MTUS2: variants seen among roughly 807,000 people sequenced by gnomAD.
MTUS2 encodes microtubule-associated tumor suppressor candidate 2.
Under a neutral mutation model 114.1 loss-of-function variants are expected in MTUS2, and 40 were observed. The observed-to-expected ratio is 0.35, with a 90% CI of 0.27 to 0.46. MTUS2 has a LOEUF of 0.46. Ranked by LOEUF, MTUS2 falls within the 20% of genes least tolerant of loss-of-function variation. MTUS2 has a pLI of 1.00. For synonymous variants in MTUS2, 688 were observed against 672.0 expected (o/e 1.02, Z -0.37); for missense variants, 1,679 against 1,705.4 (o/e 0.98, Z 0.27).
chr13:29,012,610 A>G (rs1428962916), intron 2 of MTUS2, among the ~76,000 whole-genome samples: 1 of 151,952 alleles, frequency 6.6e-6, no homozygotes, highest in African/African-American at 2.4e-5. Context: ...GGGGTGGCCC[A>G]CACCTGTAAT....
Position 29,389,693 on chromosome 13 carries a change from ATGTG to A in MTUS2, c.3117+30222_3117+30225del, listed in dbSNP as rs1260698417. Reference sequence around the variant, plus strand: ...TATATATACATATATGTATGTATATATGTGTATATGTGTATATGTATATATACAT... The same window carrying A: ...TATATATACATATATGTATGTATATATATATGTGTATATGTATATATACAT... On this transcript the variant is annotated intron_variant, in intron 8 of 15. Transcript: ENST00000612955. 1.2e-4 allele frequency among the ~76,000 whole-genome samples: 17 copies of A among 143,596 alleles called. 1 individual carries two copies. Among genetic ancestry groups the A allele is most frequent in the African/African-American group, 4.0e-4 (15 of 37,764 alleles). The allele number at this position is 143,596 out of a possible 152,430, so 94.2% of individuals were successfully genotyped here. A position where few individuals can be genotyped will look rare whatever the true frequency, so the allele number is the denominator to read the frequency against.
At chr13:29,339,470 T>A (rs1901268908) in intron 7 of MTUS2, 1 of 153,006 alleles carries the variant, frequency 6.5e-6, no homozygotes, top group South Asian at 2.0e-4. Flanking sequence ...GCTGAGGGCC[T>A]ACAGCATGGT....
chr13:29,290,817 C>G (rs1000995604), intron 6 of MTUS2, among the ~76,000 whole-genome samples: 1 of 152,136 alleles, frequency 6.6e-6, no homozygotes, highest in African/African-American at 2.4e-5. Context: ...GTCTCTCTGC[C>G]CCATATGTGC....
At chr13:29,102,850 A>G (rs939967524) in intron 5 of MTUS2, among the ~76,000 whole-genome samples, 5 of 152,222 alleles carry the variant, frequency 3.3e-5, no homozygotes, top group African/African-American at 1.2e-4. Flanking sequence ...GGGAATAAAT[A>G]AAATATGAAG....
intron 2 of MTUS2, among the ~76,000 whole-genome samples, chr13:28,994,633 T>G (rs550414143): frequency 2.0e-5 from 3 of 152,318 alleles, no homozygotes; most frequent in Admixed American, 1.3e-4. Flanking sequence ...GTTTTGATTT[T>G]CATTTCTCTG....
chr13:29,071,574 G>A (rs1191975646), intron 4 of MTUS2, among the ~76,000 whole-genome samples: 5 of 150,726 alleles, frequency 3.3e-5, no homozygotes, highest in African/African-American at 1.2e-4. Flanking sequence ...TTACAGGTGC[G>A]TGCCACCATG....
At chr13:29,065,042 AT>A (rs1888602590) in intron 4 of MTUS2, among the ~76,000 whole-genome samples, 3 of 152,120 alleles carry the variant, frequency 2.0e-5, no homozygotes, top group Admixed American at 1.3e-4. Context: ...GGGCATTTAG[AT>A]TGATTCCATG....
intron 4 of MTUS2, among the ~76,000 whole-genome samples, chr13:29,089,014 AT>A (rs1319587362): frequency 6.6e-6 from 1 of 152,190 alleles, no homozygotes; most frequent in African/African-American, 2.4e-5. Context: ...GCTGGTTGTT[AT>A]GTAGACTTGA....
intron 5 of MTUS2, among the ~76,000 whole-genome samples, chr13:29,114,544 G>T (rs1891008375): frequency 6.6e-6 from 1 of 152,162 alleles, no homozygotes; most frequent in South Asian, 2.1e-4. Context: ...ATCAAAACTA[G>T]AAGGAAAAGT....
At chr13:29,156,180 A>G (rs538723717) in intron 5 of MTUS2, among the ~76,000 whole-genome samples, 2 of 152,198 alleles carry the variant, frequency 1.3e-5, no homozygotes, top group South Asian at 4.1e-4. Flanking sequence ...GCAGTGAACA[A>G]ATTATGTCAT....
At chr13:29,049,177 A>C (rs1887774054) in intron 4 of MTUS2, among the ~76,000 whole-genome samples, 1 of 152,242 alleles carries the variant, frequency 6.6e-6, no homozygotes, top group Non-Finnish European at 1.5e-5. Flanking sequence ...GAGTCTAAGT[A>C]TGGAAGACAA....
At chr13:29,494,982 T>TA in intron 12 of MTUS2, among the ~76,000 whole-genome samples, 1 of 151,174 alleles carries the variant, frequency 6.6e-6, no homozygotes, top group East Asian at 2.0e-4. Flanking sequence ...GGTCAGAGTT[T>TA]GAGACCAGCC....
chr13:29,325,633 A>G (rs1247138873), intron 7 of MTUS2, among the ~76,000 whole-genome samples: 1 of 152,168 alleles, frequency 6.6e-6, no homozygotes, highest in Non-Finnish European at 1.5e-5. Flanking sequence ...ATGCCATTGT[A>G]GAACAGTATG....
chr13:28,921,718 G>A (rs1435701292), intron 2 of MTUS2, among the ~76,000 whole-genome samples: 1 of 152,208 alleles, frequency 6.6e-6, no homozygotes, highest in African/African-American at 2.4e-5. Context: ...GCTGGGATGG[G>A]TGGTTCCTCT....
rs991644178 is a variant in MTUS2, at chr13:29,100,919, A to C, written c.2593A>C (p.Ser865Arg). 3 of 1,577,180 alleles carry C rather than the reference A, an allele frequency of 1.9e-6. No homozygotes were observed. Among genetic ancestry groups the C allele is most frequent in the Non-Finnish European group, 2.6e-6 (3 of 1,161,172 alleles). The change falls in exon 5 of 16, where the codon AGC becomes CGC. Residue 865 changes from serine to arginine, a missense_variant. Ser to Arg is a moderately radical substitution (Grantham distance 110, BLOSUM62 -1). Around this residue, in one of 3 missense-constraint regions of MTUS2, gnomAD observed 822 missense variants for 899.7 expected, o/e 0.91. Coordinates refer to ENST00000612955, the MANE Select transcript of MTUS2 (RefSeq NM_001033602.4). ...GAGCTCCAGCGTCTCCTCAGTCTCC[A>C]GCACCCAGTCCGGGGACAGTGCACA... Reference protein sequence around the residue: ...VRSSSVSSVSSTQSGDSAQPE... With the variant: ...VRSSSVSSVSRTQSGDSAQPE...
chr13:28,985,816 C>G (rs1450089878), intron 2 of MTUS2, among the ~76,000 whole-genome samples: 2 of 152,144 alleles, frequency 1.3e-5, no homozygotes, highest in Non-Finnish European at 2.9e-5. Context: ...CTCATCCAAT[C>G]AGTTTTAGGC....
At chr13:28,936,318 G>A (rs1881897953) in intron 2 of MTUS2, among the ~76,000 whole-genome samples, 1 of 152,156 alleles carries the variant, frequency 6.6e-6, no homozygotes, top group African/African-American at 2.4e-5. Context: ...TTTTACAATT[G>A]TAATATGGAT....
At chr13:28,921,490 G>A (rs185229594) in intron 2 of MTUS2, among the ~76,000 whole-genome samples, 6 of 152,174 alleles carry the variant, frequency 3.9e-5, no homozygotes, top group African/African-American at 1.4e-4. Flanking sequence ...ACTGCCTGGA[G>A]TTGAGGGAGG....
chr13:29,153,227 A>G (rs1026016035), intron 5 of MTUS2, among the ~76,000 whole-genome samples: 1 of 152,156 alleles, frequency 6.6e-6, no homozygotes, highest in African/African-American at 2.4e-5. Context: ...CTAGCAAGAC[A>G]AGACAGTGCA....
Sources: gnomAD v4.1 joint callset for allele counts (sites outside exome capture counted in the v4.1 genomes callset) on GRCh38, gnomAD v4.1.1 for gene constraint, gnomAD v4.1.1 regional missense constraint, MANE v1.5 for transcripts, NCBI Gene and HGNC (gene_info 2026-07-23, HGNC 2026-07-21) for gene names.